CHD7: variants seen among roughly 807,000 people sequenced by gnomAD.
The protein encoded by CHD7 is chromodomain helicase DNA binding protein 7, also known as ATP-dependent chromatin remodeler CHD7.
A neutral mutation model predicts 307.3 loss-of-function variants in CHD7; 24 were observed. That is an observed-to-expected ratio of 0.08 (90% CI 0.06 to 0.11). The LOEUF is 0.11. Ranked by LOEUF, CHD7 falls within the 10% of genes least tolerant of loss-of-function variation. CHD7 has a pLI of 1.00. For synonymous variants in CHD7, 1,363 were observed against 1,349.9 expected (o/e 1.01, Z -0.21); for missense variants, 3,106 against 3,727.1 (o/e 0.83, Z 4.34).
chr8:60,830,217 A>T, intron 14 of CHD7, 105 bp from the exon 15 acceptor site: 1 of 1,209,610 alleles, frequency 8.3e-7, no homozygotes, highest in Non-Finnish European at 1.1e-6. Flanking sequence ...TGAAAAATGA[A>T]AATGGATGTT....
intron 28 of CHD7, 89 bp downstream of exon 28, chr8:60,851,408 G>GTC: frequency 3.1e-6 from 3 of 963,802 alleles, no homozygotes; most frequent in Non-Finnish European, 4.9e-6. Context: ...CTTCATGACA[G>GTC]CAGTGTCTTA....
chr8:60,752,844 A>G (rs1355605265), intron 2 of CHD7, among the ~76,000 whole-genome samples: 1 of 152,248 alleles, frequency 6.6e-6, no homozygotes, highest in Non-Finnish European at 1.5e-5. Flanking sequence ...GGAGTGTGCT[A>G]GAAATAAACT....
chr8:60,731,379 G>A (rs1339121361), intron 1 of CHD7, among the ~76,000 whole-genome samples: 1 of 152,172 alleles, frequency 6.6e-6, no homozygotes, highest in African/African-American at 2.4e-5. Context: ...TACAGTCACA[G>A]TGCCTGATAA....
intron 34 of CHD7, among the ~76,000 whole-genome samples, chr8:60,860,126 A>G (rs1479948310): frequency 6.6e-6 from 1 of 152,240 alleles, no homozygotes; most frequent in Non-Finnish European, 1.5e-5. Context: ...ATGTTGCCAC[A>G]CATGTCTGAG....
chr8:60,856,871 C>T lies in CHD7; in HGVS notation c.7591C>T (p.Arg2531Trp), dbSNP rs369550114. Reference protein sequence around the residue: ...GLDLLFMSHKRTSLSAEDAEV... With the variant: ...GLDLLFMSHKWTSLSAEDAEV... ...TGATCTGCTTTTCATGAGCCACAAACGGACGTCATTGAGTGCAGTAAGTTG... is the reference window on the plus strand; with the variant it reads ...TGATCTGCTTTTCATGAGCCACAAATGGACGTCATTGAGTGCAGTAAGTTG... The change falls in exon 34 of 38, where the codon CGG (arginine) becomes TGG (tryptophan). Residue 2531 changes from arginine to tryptophan, a missense_variant. Coordinates refer to ENST00000423902, the MANE Select transcript of CHD7 (RefSeq NM_017780.4). 3.0e-5 allele frequency: 46 copies of T among 1,553,620 alleles called. No individual in the cohort carries two copies. Among genetic ancestry groups the T allele is most frequent in the Non-Finnish European group, 3.4e-5 (39 of 1,152,298 alleles).
At chr8:60,796,543 C>G (rs1190531831) in intron 4 of CHD7, among the ~76,000 whole-genome samples, 1 of 151,504 alleles carries the variant, frequency 6.6e-6, no homozygotes, top group Non-Finnish European at 1.5e-5. Context: ...TTCACAAATA[C>G]TGCTATTGTT....
chr8:60,829,889 C>G (rs1388167709), intron 14 of CHD7, among the ~76,000 whole-genome samples: 1 of 152,172 alleles, frequency 6.6e-6, no homozygotes, highest in Non-Finnish European at 1.5e-5. Flanking sequence ...CTGCTGGCTC[C>G]TTAGTGCAGG....
rs185567795 is a variant in CHD7 at position 60,790,148 on chromosome 8, G to T, written c.2097-4838G>T. Reference sequence around the variant, plus strand: ...GTTCTCCATCTGATTACAAGGGCTTGTCTAAAATGAGGAGCAGATGGCTCT... The same window carrying T: ...GTTCTCCATCTGATTACAAGGGCTTTTCTAAAATGAGGAGCAGATGGCTCT... On this transcript the variant is annotated intron_variant, in intron 3 of 37. Coordinates refer to ENST00000423902, the MANE Select transcript of CHD7 (RefSeq NM_017780.4). Among the ~76,000 whole-genome samples the T allele has an allele frequency of 5.3e-5, 8 of 152,350 alleles. No individual in the cohort carries two copies. The East Asian group carries it at 1.5e-3, about 29-fold the overall frequency.
intron 2 of CHD7, among the ~76,000 whole-genome samples, chr8:60,745,698 A>G (rs893702882): frequency 6.6e-6 from 1 of 152,182 alleles, no homozygotes; most frequent in Non-Finnish European, 1.5e-5. Context: ...TTTGAACATA[A>G]GGCTAGGGAG....
At chr8:60,748,987 T>A (rs7833679) in intron 2 of CHD7, among the ~76,000 whole-genome samples, 112,530 of 149,184 alleles carry the variant, frequency 0.75, 42,549 homozygotes, top group East Asian at 0.92. Context: ...TTTTTTTTTT[T>A]AAAAAAATAG....
intron 1 of CHD7, among the ~76,000 whole-genome samples, chr8:60,684,537 AGTTGGGTGGG>A (rs200365553): frequency 0.018 from 2,711 of 152,208 alleles, 43 homozygotes; most frequent in Non-Finnish European, 0.024. Context: ...GGATTCCGTC[AGTTGGGTGGG>A]GTATTACCCC....
At chr8:60,807,471 A>C (rs567210417) in intron 6 of CHD7, among the ~76,000 whole-genome samples, 7 of 152,258 alleles carry the variant, frequency 4.6e-5, no homozygotes, top group Non-Finnish European at 1.0e-4. Flanking sequence ...CATCTTCTGC[A>C]TACACTACAG....
chr8:60,814,515 A>G (rs989099541), intron 7 of CHD7, among the ~76,000 whole-genome samples: 1 of 152,190 alleles, frequency 6.6e-6, no homozygotes, highest in Non-Finnish European at 1.5e-5. Context: ...GCGTGATCTC[A>G]GCTCACTGCA....
chr8:60,845,132 T>C, intron 22 of CHD7, 69 bp downstream of exon 22: 1 of 1,588,816 alleles, frequency 6.3e-7, no homozygotes, highest in Non-Finnish European at 8.6e-7. Flanking sequence ...GACACACTGT[T>C]GATAAAGAGA....
Position 60,841,350 on chromosome 8 carries a change from C to T in CHD7, c.4534-294C>T, listed in dbSNP as rs62526528. Among the ~76,000 whole-genome samples, 3,538 of 152,274 alleles carry T rather than the reference C, an allele frequency of 0.023. 99 individuals are homozygous for T. The highest frequency in any genetic ancestry group is 0.062 in the African/African-American group (2,592 of 41,548). On this transcript the variant is annotated intron_variant, in intron 19 of 37. Coordinates refer to ENST00000423902, the MANE Select transcript of CHD7 (RefSeq NM_017780.4). ...GGAAGAGACTTTTCTTTTCGGTTTC[C>T]AGCAACACCCTGCCTGAACCAGGTT... is the stretch of plus-strand genomic sequence containing the variant.
intron 1 of CHD7, among the ~76,000 whole-genome samples, chr8:60,737,288 T>A (rs533344651): frequency 7.2e-4 from 110 of 152,214 alleles, no homozygotes; most frequent in Non-Finnish European, 1.4e-3. Context: ...TATTTGCTGA[T>A]GGCAGCAGCA....
rs766183543 is a variant in CHD7 at position 60,856,711 on chromosome 8, C to T, written c.7431C>T (p.Ala2477=). Residue 2477 remains alanine (A), a synonymous_variant, in exon 34 of 38, where the codon GCC becomes GCT. Transcript: ENST00000423902. The part of the protein sequence containing the change: ...LPNVSTPVSD[A]FKTQMELLQA... ...ATGTCTCAACACCAGTGTCTGATGC[C>T]TTTAAGACTCAAATGGAACTGCTCC... is the stretch of plus-strand genomic sequence containing the variant. 6.2e-7 allele frequency: 1 copy of T among 1,613,992 alleles called. No individual in the cohort carries two copies. The highest frequency in any genetic ancestry group is 1.7e-5 in the Admixed American group (1 of 60,020).
intron 7 of CHD7, among the ~76,000 whole-genome samples, chr8:60,813,247 A>G (rs955273446): frequency 1.3e-5 from 2 of 152,108 alleles, no homozygotes; most frequent in Admixed American, 1.3e-4. Context: ...CTGTATGCTA[A>G]TTTTATATTC....
chr8:60,856,545 A>G lies in CHD7; in HGVS notation c.7265A>G (p.Glu2422Gly). The part of the protein sequence containing the change: ...ERAAKRRNLM[E>G]MVAQLRESQV... ...GCTGCCAAGAGGCGAAATCTCATGGAGATGGTTGCCCAGCTTCGAGAGTCT... is the reference window on the plus strand; with the variant it reads ...GCTGCCAAGAGGCGAAATCTCATGGGGATGGTTGCCCAGCTTCGAGAGTCT... The change falls in exon 34 of 38, where the codon GAG becomes GGG. Residue 2422 changes from glutamate to glycine, a missense_variant. This residue lies in a region of CHD7 where 1,030 missense variants were observed against 1,165.4 expected (regional missense o/e 0.88). Coordinates refer to ENST00000423902, the MANE Select transcript of CHD7 (RefSeq NM_017780.4). 6.2e-7 allele frequency: 1 copy of G among 1,614,034 alleles called. No homozygotes were observed. Among genetic ancestry groups the G allele is most frequent in the Non-Finnish European group, 8.5e-7 (1 of 1,179,892 alleles).
Sources: gnomAD v4.1 joint callset for allele counts (sites outside exome capture counted in the v4.1 genomes callset) on GRCh38, gnomAD v4.1.1 for gene constraint, gnomAD v4.1.1 regional missense constraint, MANE v1.5 for transcripts, NCBI Gene and HGNC (gene_info 2026-07-23, HGNC 2026-07-21) for gene names.